The following KCNIP1 variants were observed in gnomAD, a reference collection of about 807,000 sequenced individuals.
The protein encoded by KCNIP1 is potassium voltage-gated channel interacting protein 1.
A neutral mutation model predicts 33.0 loss-of-function variants in KCNIP1; 18 were observed. The observed-to-expected ratio is 0.55, with a 90% CI of 0.38 to 0.81. The LOEUF is 0.81. Ranked by LOEUF, KCNIP1 falls within the 30% of genes least tolerant of loss-of-function variation. The pLI, the probability that KCNIP1 is intolerant of heterozygous loss-of-function variation, is 0.00. For synonymous variants in KCNIP1, 93 were observed against 98.3 expected (o/e 0.95, Z 0.32); for missense variants, 238 against 271.6 (o/e 0.88, Z 0.87).
rs114820933 is a variant in KCNIP1, at chr5:170,731,056, T to C, written c.436-1744T>C. On this transcript the variant is annotated intron_variant, in intron 5 of 7. Coordinates refer to ENST00000328939, the MANE Select transcript of KCNIP1 (RefSeq NM_014592.4). ...TTACAGAAGAATTGTAATTAATAAG[T>C]ATAGAAGGAATAAAGGAAATACAAA... Among the ~76,000 whole-genome samples the C allele has an allele frequency of 4.6e-3, 693 of 152,248 alleles. 5 individuals carry two copies. The highest frequency in any genetic ancestry group is 0.016 in the African/African-American group (652 of 41,550).
chr5:170,589,764 T>TGTGGG (rs1758147661), intron 1 of KCNIP1, among the ~76,000 whole-genome samples: 1 of 125,060 alleles, frequency 8.0e-6, no homozygotes. Flanking sequence ...TGTGGTGTGG[T>TGTGGG]GTGGTGTGGT....
intron 1 of KCNIP1, among the ~76,000 whole-genome samples, chr5:170,575,342 G>A (rs1757561780): frequency 6.6e-6 from 1 of 152,078 alleles, no homozygotes; most frequent in Non-Finnish European, 1.5e-5. Flanking sequence ...CCTTTAATAG[G>A]GCATATGTTA....
At chr5:170,469,910 C>A (rs1304611747) in intron 1 of KCNIP1, among the ~76,000 whole-genome samples, 1 of 152,164 alleles carries the variant, frequency 6.6e-6, no homozygotes, top group Non-Finnish European at 1.5e-5. Context: ...AATAACAATT[C>A]TTTCAATAGA....
At chr5:170,633,251 T>C (rs1447980847) in intron 1 of KCNIP1, among the ~76,000 whole-genome samples, 1 of 151,896 alleles carries the variant, frequency 6.6e-6, no homozygotes, top group Non-Finnish European at 1.5e-5. Flanking sequence ...AGGAGGACGC[T>C]GGTCAGGGGA....
At chr5:170,378,726 G>A in intron 1 of KCNIP1, 1 of 1,613,404 alleles carries the variant, frequency 6.2e-7, no homozygotes, top group East Asian at 2.2e-5. Flanking sequence ...CGCCAGGATG[G>A]ACAGGTACTG....
At chr5:170,372,834 G>A (rs1235627208) in intron 1 of KCNIP1, among the ~76,000 whole-genome samples, 1 of 152,216 alleles carries the variant, frequency 6.6e-6, no homozygotes, top group Non-Finnish European at 1.5e-5. Context: ...CGTGGGGACA[G>A]AAGACACATC....
intron 1 of KCNIP1, among the ~76,000 whole-genome samples, chr5:170,464,656 T>C (rs1283172556): frequency 6.6e-6 from 1 of 152,140 alleles, no homozygotes; most frequent in Non-Finnish European, 1.5e-5. Context: ...GAGAGCTGGG[T>C]AACCACAAAT....
intron 1 of KCNIP1, among the ~76,000 whole-genome samples, chr5:170,706,088 A>G (rs17072816): frequency 0.16 from 24,558 of 152,172 alleles, 2,417 homozygotes; most frequent in African/African-American, 0.27. Flanking sequence ...CAGGCAGTTA[A>G]TACAAGGATA....
chr5:170,490,943 A>G lies in KCNIP1; in HGVS notation c.88+136979A>G, dbSNP rs533036847. ...TAACTTCTGTCATTCAAATTTCACA[A>G]TCAGTCTCCTTTTCTTGTAAGGCCT... On this transcript the variant is annotated intron_variant, in intron 1 of 7. Transcript: ENST00000377360. Among the ~76,000 whole-genome samples the G allele has an allele frequency of 2.0e-5, 3 of 151,746 alleles. No individual in the cohort carries two copies. The South Asian group carries it at 6.3e-4, about 32-fold the overall frequency.
intron 1 of KCNIP1, among the ~76,000 whole-genome samples, chr5:170,625,404 C>A (rs148768196): frequency 2.0e-5 from 3 of 152,322 alleles, no homozygotes; most frequent in Non-Finnish European, 4.4e-5. Context: ...CAGCTCAGGA[C>A]CCCTGGCTGC....
intron 1 of KCNIP1, among the ~76,000 whole-genome samples, chr5:170,634,394 A>G (rs1213121663): frequency 6.6e-6 from 1 of 152,166 alleles, no homozygotes; most frequent in African/African-American, 2.4e-5. Context: ...AAAATGATTC[A>G]ATAGGCCCAA....
chr5:170,513,452 G>A (rs1427311796), intron 1 of KCNIP1, among the ~76,000 whole-genome samples: 1 of 152,158 alleles, frequency 6.6e-6, no homozygotes, highest in African/African-American at 2.4e-5. Context: ...TAACAACAAA[G>A]AAGTGCAGGA....
At chr5:170,589,752 G>GGTGTGGT (rs1758144973) in intron 1 of KCNIP1, among the ~76,000 whole-genome samples, 1 of 140,946 alleles carries the variant, frequency 7.1e-6, no homozygotes, top group South Asian at 2.4e-4. Flanking sequence ...GGTGTGGTGT[G>GGTGTGGT]GTGTGGTGTG....
intron 1 of KCNIP1, among the ~76,000 whole-genome samples, chr5:170,658,679 G>A (rs1178408827): frequency 1.3e-5 from 2 of 152,086 alleles, no homozygotes; most frequent in Non-Finnish European, 2.9e-5. Flanking sequence ...AACCATTAAG[G>A]CTGCAGAGTC....
At position 170,573,358 on chromosome 5, in the gene KCNIP1, G is replaced by A. The variant is rs1471127238; in HGVS notation, c.61+68725G>A. 4.6e-5 allele frequency among the ~76,000 whole-genome samples: 7 copies of A among 152,190 alleles called. No homozygotes were observed. The East Asian group carries it at 1.3e-3, about 29-fold the overall frequency. On this transcript the variant is annotated intron_variant, in intron 1 of 7. Transcript: ENST00000328939. ...GCCTGGGGCCCAATTGAGCATGGTT[G>A]CTCTCCAGGAATGTCCCAGGGCAGT...
intron 1 of KCNIP1, among the ~76,000 whole-genome samples, chr5:170,356,514 G>A (rs762033208): frequency 1.3e-5 from 2 of 152,122 alleles, no homozygotes; most frequent in Non-Finnish European, 2.9e-5. Flanking sequence ...TCTCATCAGC[G>A]CTTATTGCAG....
At chr5:170,657,764 G>A (rs561365757) in intron 1 of KCNIP1, among the ~76,000 whole-genome samples, 12 of 152,362 alleles carry the variant, frequency 7.9e-5, no homozygotes, top group African/African-American at 2.6e-4. Flanking sequence ...GGTGCAATCA[G>A]ATGACCTTCC....
At chr5:170,617,507 C>G (rs1759430506) in intron 1 of KCNIP1, among the ~76,000 whole-genome samples, 1 of 152,106 alleles carries the variant, frequency 6.6e-6, no homozygotes, top group Non-Finnish European at 1.5e-5. Flanking sequence ...CTTAAGCCAC[C>G]AGCCTTACAA....
chr5:170,560,826 C>A (rs551968104), intron 1 of KCNIP1, among the ~76,000 whole-genome samples: 5 of 152,218 alleles, frequency 3.3e-5, no homozygotes, highest in African/African-American at 9.6e-5. Flanking sequence ...TGGTTCCCCC[C>A]GCCCCAGATG....
Sources: gnomAD v4.1 joint callset for allele counts (sites outside exome capture counted in the v4.1 genomes callset) on GRCh38, gnomAD v4.1.1 for gene constraint, MANE v1.5 for transcripts, NCBI Gene and HGNC (gene_info 2026-07-23, HGNC 2026-07-21) for gene names.